Variants in LHFPL4 observed in about 807,000 individuals in gnomAD.
LHFPL4 encodes the protein LHFPL tetraspan subfamily member 4 protein.
LHFPL4 carries 6 observed loss-of-function variants against 20.0 expected under a neutral mutation model. That is an observed-to-expected ratio of 0.30 (90% CI 0.16 to 0.59). LHFPL4 has a LOEUF of 0.59. Ranked by LOEUF, LHFPL4 falls within the 20% of genes least tolerant of loss-of-function variation. The pLI, the probability that LHFPL4 is intolerant of heterozygous loss-of-function variation, is 0.88. For missense variants in LHFPL4, 215 were observed against 331.2 expected, an observed-to-expected ratio of 0.65 and a Z score of 2.72; for synonymous variants, 129 against 143.8, an observed-to-expected ratio of 0.90 and a Z score of 0.74.
At chr3:9,538,324 G>A (rs1045978869) in intron 2 of LHFPL4, among the ~76,000 whole-genome samples, 4 of 152,020 alleles carry the variant, frequency 2.6e-5, no homozygotes, top group African/African-American at 7.2e-5. Flanking sequence ...AATAAGACCC[G>A]AACTCCAAAG....
In LHFPL4 at chr3:9,552,808, G is replaced by C. The variant is rs1034866867; in HGVS notation, c.-129C>G. The C allele has an allele frequency of 2.1e-5, 8 of 381,636 alleles. No homozygotes were observed. Among genetic ancestry groups the C allele is most frequent in the Non-Finnish European group, 3.0e-5 (8 of 268,588 alleles). The allele number at this position is 381,636 out of a possible 1,614,324, so 23.6% of individuals were successfully genotyped here. On this transcript the variant is annotated 5_prime_UTR_variant, in exon 2 of 4. Transcript: ENST00000287585. ...CGGCCCTGAGTCAAGGAACCCGCGA[G>C]GGCGGGGCCTGGGGCAGAGCTGGGG...
chr3:9,517,103 C>T (rs2046308124), intron 2 of LHFPL4, among the ~76,000 whole-genome samples: 1 of 152,114 alleles, frequency 6.6e-6, no homozygotes, highest in Admixed American at 6.6e-5. Context: ...ATTACTATAG[C>T]TTTATAGTAA....
intron 2 of LHFPL4, among the ~76,000 whole-genome samples, chr3:9,541,002 T>C: frequency 6.6e-6 from 1 of 152,106 alleles, no homozygotes; most frequent in African/African-American, 2.4e-5. Flanking sequence ...TGCAATGGCA[T>C]GATCTCAGCT....
intron 2 of LHFPL4, among the ~76,000 whole-genome samples, chr3:9,552,034 G>A (rs554801266): frequency 3.1e-4 from 47 of 152,076 alleles, no homozygotes; most frequent in Admixed American, 7.2e-4. Context: ...TAAATGCAGC[G>A]TACCCATACC....
chr3:9,542,421 T>G (rs1197888542), intron 2 of LHFPL4, among the ~76,000 whole-genome samples: 2 of 152,236 alleles, frequency 1.3e-5, no homozygotes, highest in African/African-American at 4.8e-5. Flanking sequence ...GGGGATATTA[T>G]TCAGCCATAA....
chr3:9,503,953 G>C (rs943544866), intron 3 of LHFPL4, among the ~76,000 whole-genome samples: 1 of 152,188 alleles, frequency 6.6e-6, no homozygotes, highest in Non-Finnish European at 1.5e-5. Context: ...TTAAGCCCAG[G>C]AGTTTGAGGC....
chr3:9,540,113 C>T (rs540512682), intron 2 of LHFPL4, among the ~76,000 whole-genome samples: 1 of 152,154 alleles, frequency 6.6e-6, no homozygotes, highest in Non-Finnish European at 1.5e-5. Context: ...TATCCTTATA[C>T]TTACATATGT....
intron 2 of LHFPL4, among the ~76,000 whole-genome samples, chr3:9,533,172 C>T (rs1423064101): frequency 1.3e-5 from 2 of 152,190 alleles, no homozygotes; most frequent in African/African-American, 4.8e-5. Context: ...TGGGGCTGAA[C>T]CCACTGAACC....
At chr3:9,517,989 C>G (rs1344352498) in intron 2 of LHFPL4, among the ~76,000 whole-genome samples, 1 of 151,926 alleles carries the variant, frequency 6.6e-6, no homozygotes, top group African/African-American at 2.4e-5. Context: ...ACACCCTTGC[C>G]TTGTTCTTGA....
chr3:9,521,778 A>C (rs2046339467), intron 2 of LHFPL4, among the ~76,000 whole-genome samples: 1 of 151,828 alleles, frequency 6.6e-6, no homozygotes, highest in African/African-American at 2.4e-5. Context: ...ATGTGTCTTT[A>C]TATTTAAGTG....
chr3:9,505,713 C>T (rs778426330), intron 3 of LHFPL4, among the ~76,000 whole-genome samples: 4 of 152,280 alleles, frequency 2.6e-5, no homozygotes, highest in African/African-American at 2.4e-5. Context: ...CGTGAGCCAC[C>T]GTGCCCAGCC....
intron 2 of LHFPL4, among the ~76,000 whole-genome samples, chr3:9,547,965 C>A (rs1220506272): frequency 6.6e-6 from 1 of 152,170 alleles, no homozygotes; most frequent in African/African-American, 2.4e-5. Context: ...GCCATCACAA[C>A]TGGCTAATTT....
intron 2 of LHFPL4, among the ~76,000 whole-genome samples, chr3:9,549,882 T>C (rs1428286781): frequency 1.3e-5 from 2 of 152,114 alleles, no homozygotes; most frequent in Non-Finnish European, 2.9e-5. Context: ...AAAGAGATAC[T>C]TTATTTTTTA....
intron 2 of LHFPL4, among the ~76,000 whole-genome samples, chr3:9,535,949 G>T (rs1262838742): frequency 6.6e-6 from 1 of 152,014 alleles, no homozygotes; most frequent in Non-Finnish European, 1.5e-5. Flanking sequence ...CTACAGCCAC[G>T]CACCACCACG....
At chr3:9,504,082 A>G (rs2046198637) in intron 3 of LHFPL4, among the ~76,000 whole-genome samples, 2 of 151,982 alleles carry the variant, frequency 1.3e-5, no homozygotes, top group South Asian at 2.1e-4. Flanking sequence ...TTCAATAACT[A>G]TAACTCAGCC....
At chr3:9,545,728 T>C (rs2633780) in intron 2 of LHFPL4, among the ~76,000 whole-genome samples, 23,561 of 147,360 alleles carry the variant, frequency 0.16, 2,818 homozygotes, top group East Asian at 0.4. Flanking sequence ...AATAAATAAA[T>C]AAATAAGATA....
intron 2 of LHFPL4, among the ~76,000 whole-genome samples, chr3:9,532,006 T>A (rs1390427376): frequency 6.6e-6 from 1 of 152,134 alleles, no homozygotes; most frequent in Non-Finnish European, 1.5e-5. Flanking sequence ...CATAATGCAT[T>A]TTATGCTGAG....
intron 2 of LHFPL4, among the ~76,000 whole-genome samples, chr3:9,541,748 G>A (rs1010489459): frequency 7.9e-5 from 12 of 152,032 alleles, no homozygotes; most frequent in African/African-American, 2.7e-4. Context: ...CTCCAGCGTG[G>A]GTGACAGAGC....
chr3:9,542,754 C>A lies in LHFPL4; in HGVS notation c.406+9520G>T, dbSNP rs146255288. ...AGCCCGAGACTGAGGCTGCAGTGAG[C>A]TATGATTGCAACACTGTACTCCAGC... On this transcript the variant is annotated intron_variant, in intron 2 of 3. Transcript: ENST00000287585. 2.6e-3 allele frequency among the ~76,000 whole-genome samples: 377 copies of A among 146,378 alleles called. 3 individuals are homozygous for A. Among genetic ancestry groups the A allele is most frequent in the African/African-American group, 9.1e-3 (357 of 39,240 alleles).
Sources: allele counts gnomAD v4.1 joint callset (sites outside exome capture counted in the v4.1 genomes callset), GRCh38; gene constraint gnomAD v4.1.1; transcripts MANE v1.5; gene names NCBI Gene and HGNC (gene_info 2026-07-23, HGNC 2026-07-21).